The following XYLT1 variants were observed in gnomAD, a reference collection of about 807,000 sequenced individuals.
XYLT1 encodes xylosyltransferase 1.
A neutral mutation model predicts 91.3 loss-of-function variants in XYLT1; 36 were observed. The ratio of observed to expected loss-of-function variants is 0.39; its 90% confidence interval spans 0.30 to 0.52. XYLT1 has a LOEUF of 0.52. Ranked by LOEUF, XYLT1 falls within the 20% of genes least tolerant of loss-of-function variation. XYLT1 has a pLI of 0.68. For synonymous variants in XYLT1, 588 were observed against 532.0 expected, an observed-to-expected ratio of 1.11 and a Z score of -1.45; for missense variants, 1,242 against 1,284.5, an observed-to-expected ratio of 0.97 and a Z score of 0.51.
chr16:17,454,047 A>G (rs2036703007), intron 1 of XYLT1, among the ~76,000 whole-genome samples: 1 of 152,222 alleles, frequency 6.6e-6, no homozygotes. Flanking sequence ...ACAGAGTTTC[A>G]GCATTTGAAA....
intron 3 of XYLT1, among the ~76,000 whole-genome samples, chr16:17,254,176 C>A (rs886733121): frequency 6.6e-6 from 1 of 152,192 alleles, no homozygotes; most frequent in African/African-American, 2.4e-5. Context: ...TTGAACCACA[C>A]GGGTCCATTT....
chr16:17,136,151 T>C (rs1318187515), intron 8 of XYLT1, among the ~76,000 whole-genome samples: 1 of 152,170 alleles, frequency 6.6e-6, no homozygotes, highest in Non-Finnish European at 1.5e-5. Context: ...ACCTCTAATT[T>C]TCCCTGTAAC....
rs1427440706 is a variant in XYLT1 at position 17,318,320 on chromosome 16, G to GAGTTCAAA, written c.402+39691_402+39692insTTTGAACT. 5.3e-5 allele frequency among the ~76,000 whole-genome samples: 8 copies of GAGTTCAAA among 152,360 alleles called. No individual in the cohort carries two copies. In the East Asian group the frequency reaches 7.7e-4, roughly 15 times the overall value. Reference sequence around the variant, plus strand: ...CATCACAGGACACTCTGCTGAATCAGCAGCTCCTGTTCAAACAGCTAGACT... The same window carrying GAGTTCAAA: ...CATCACAGGACACTCTGCTGAATCAGAGTTCAAACAGCTCCTGTTCAAACAGCTAGACT... On this transcript the variant is annotated intron_variant, in intron 2 of 11. Coordinates refer to ENST00000261381, the MANE Select transcript of XYLT1 (RefSeq NM_022166.4).
At chr16:17,129,070 T>C (rs1159882836) in intron 9 of XYLT1, among the ~76,000 whole-genome samples, 4 of 19,208 alleles carry the variant, frequency 2.1e-4, no homozygotes, top group Non-Finnish European at 4.6e-4. Flanking sequence ...CCAGGGAGCA[T>C]AGAAAAAAAA....
At chr16:17,126,706 T>C (rs1462603846) in intron 10 of XYLT1, among the ~76,000 whole-genome samples, 1 of 152,174 alleles carries the variant, frequency 6.6e-6, no homozygotes, top group East Asian at 1.9e-4. Context: ...ATCACGTCCT[T>C]AGCACTTAGG....
chr16:17,167,738 C>T (rs536195456), intron 5 of XYLT1, among the ~76,000 whole-genome samples: 1 of 151,810 alleles, frequency 6.6e-6, no homozygotes, highest in South Asian at 2.1e-4. Context: ...GGATTCTAAC[C>T]CATCCTTCCA....
intron 1 of XYLT1, among the ~76,000 whole-genome samples, chr16:17,402,861 T>C (rs1458853250): frequency 1.3e-5 from 2 of 151,990 alleles, no homozygotes; most frequent in African/African-American, 4.8e-5. Context: ...TGCTTCAGCT[T>C]CCTGGAAAGC....
intron 2 of XYLT1, among the ~76,000 whole-genome samples, chr16:17,342,591 G>A (rs543540771): frequency 3.9e-5 from 6 of 152,220 alleles, no homozygotes; most frequent in African/African-American, 9.6e-5. Flanking sequence ...GCGAGGTGGC[G>A]CGTGCCTGTA....
chr16:17,382,838 CAAG>C (rs1029850058), intron 1 of XYLT1, among the ~76,000 whole-genome samples: 2 of 151,860 alleles, frequency 1.3e-5, no homozygotes, highest in Middle Eastern at 3.2e-3. Context: ...CTAGAGACCG[CAAG>C]AAGGAGTAAC....
chr16:17,121,983 C>T (rs183540407), intron 10 of XYLT1, among the ~76,000 whole-genome samples: 1,621 of 151,474 alleles, frequency 0.011, 30 homozygotes, highest in African/African-American at 0.038. Flanking sequence ...TATATGCGCA[C>T]ACACACACAC....
chr16:17,156,788 ACAGAG>A (rs1163696948), intron 6 of XYLT1, among the ~76,000 whole-genome samples: 1 of 152,230 alleles, frequency 6.6e-6, no homozygotes, highest in Admixed American at 6.5e-5. Context: ...GTGCTAATTT[ACAGAG>A]CATCTTCAAG....
chr16:17,319,801 G>C (rs1445472681), intron 2 of XYLT1, among the ~76,000 whole-genome samples: 1 of 152,074 alleles, frequency 6.6e-6, no homozygotes, highest in Non-Finnish European at 1.5e-5. Context: ...GACATTTGAG[G>C]CACCCCTCAC....
At chr16:17,176,206 G>A (rs1255099112) in intron 5 of XYLT1, among the ~76,000 whole-genome samples, 2 of 152,182 alleles carry the variant, frequency 1.3e-5, no homozygotes, top group Non-Finnish European at 2.9e-5. Flanking sequence ...TATGTGCCAG[G>A]CACTGTACCA....
chr16:17,215,997 T>C (rs1358758261), intron 3 of XYLT1, among the ~76,000 whole-genome samples: 1 of 152,106 alleles, frequency 6.6e-6, no homozygotes, highest in Non-Finnish European at 1.5e-5. Flanking sequence ...GATGGGGTGG[T>C]GTGGGATGCC....
At chr16:17,112,545 A>G (rs1019853097) in intron 11 of XYLT1, among the ~76,000 whole-genome samples, 2 of 152,066 alleles carry the variant, frequency 1.3e-5, no homozygotes, top group African/African-American at 4.8e-5. Flanking sequence ...CATTCTGACC[A>G]ACAGGTGTAC....
chr16:17,253,859 A>AGCGAGC (rs142172922), intron 3 of XYLT1, among the ~76,000 whole-genome samples: 1 of 146,146 alleles, frequency 6.8e-6, no homozygotes, highest in Admixed American at 6.8e-5. Flanking sequence ...AGAGAGAGAG[A>AGCGAGC]GAGCGAGCCT....
At position 17,403,662 on chromosome 16, in the gene XYLT1, C is replaced by T. The variant is rs1008252012; in HGVS notation, c.364-45612G>A. ...CTCCCACCGGGTCCCTCCCACAACA[C>T]GTGGGGGAATCATGGCAGCTACAAT... On this transcript the variant is annotated intron_variant, in intron 1 of 11. Coordinates refer to ENST00000261381, the MANE Select transcript of XYLT1 (RefSeq NM_022166.4). 1.1e-4 allele frequency among the ~76,000 whole-genome samples: 17 copies of T among 152,174 alleles called. 1 individual carries two copies. Among genetic ancestry groups the T allele is most frequent in the Admixed American group, 7.8e-4 (12 of 15,288 alleles).
chr16:17,226,616 T>A (rs1351278098), intron 3 of XYLT1, among the ~76,000 whole-genome samples: 1 of 152,162 alleles, frequency 6.6e-6, no homozygotes. Context: ...GGCGAAACCC[T>A]GTCTCTACTA....
At chr16:17,338,432 A>G (rs1268632672) in intron 2 of XYLT1, 1 of 456,434 alleles carries the variant, frequency 2.2e-6, no homozygotes, top group Non-Finnish European at 4.4e-6. Context: ...AAAGGCTGCA[A>G]CAAAGGAGAA....
Sources: allele counts gnomAD v4.1 joint callset (sites outside exome capture counted in the v4.1 genomes callset), GRCh38; gene constraint gnomAD v4.1.1; transcripts MANE v1.5; gene names NCBI Gene and HGNC (gene_info 2026-07-23, HGNC 2026-07-21).